The following KIF7 variants were observed in gnomAD, a reference collection of about 807,000 sequenced individuals.
KIF7 encodes the protein kinesin family member 7, also known as kinesin-like protein KIF7.
Under a neutral mutation model 135.7 loss-of-function variants are expected in KIF7, and 104 were observed. The observed-to-expected ratio is 0.77, with a 90% CI of 0.65 to 0.90. The LOEUF is 0.90. Among genes scored for constraint, KIF7 ranks in the 40% least tolerant of loss-of-function variants. The pLI is 0.00. For synonymous variants in KIF7, 883 were observed against 809.4 expected, an observed-to-expected ratio of 1.09 and a Z score of -1.54; for missense variants, 2,005 against 1,839.1, an observed-to-expected ratio of 1.09 and a Z score of -1.65.
intron 1 of KIF7, among the ~76,000 whole-genome samples, chr15:89,620,941 C>G (rs932303366): frequency 2.6e-5 from 4 of 151,344 alleles, no homozygotes; most frequent in Admixed American, 2.0e-4. Context: ...CCAGGATAGT[C>G]TCGATCTCCG....
intron 8 of KIF7, 132 bp from the exon 9 acceptor site, chr15:89,645,583 A>C (rs971833683): frequency 1.2e-6 from 1 of 806,886 alleles, no homozygotes; most frequent in African/African-American, 1.7e-5. Flanking sequence ...CCAGGATGTG[A>C]GTCTGGCAGA....
At position 89,632,910 on chromosome 15, in the gene KIF7, C is replaced by T. The variant is rs1216364737; in HGVS notation, c.2805G>A (p.Glu935=). Residue 935 remains glutamate (E), a synonymous_variant, in exon 14 of 19, where the codon GAG becomes GAA. Transcript: ENST00000394412. ...QRRALEELGE[E]LHKREAILAK... ...CCAGGATGGCCTCCCGCTTGTGGAG[C>T]TCCTCCCCCAGCTCCTCCAGCGCCC... 2 of 1,610,760 alleles carry T rather than the reference C, an allele frequency of 1.2e-6. No homozygotes were observed. Among genetic ancestry groups the T allele is most frequent in the East Asian group, 2.2e-5 (1 of 44,858 alleles).
intron 8 of KIF7, 65 bp from the exon 9 acceptor site, chr15:89,645,516 G>A (rs2078704620): frequency 3.0e-6 from 4 of 1,319,572 alleles, no homozygotes; most frequent in Non-Finnish European, 4.3e-6. Context: ...CCACCCCCAG[G>A]CCTGGAGGGA....
chr15:89,633,198 G>A lies in KIF7; in HGVS notation c.2661C>T (p.Phe887=). ...LKIKTEEIAA[F]QRKRRSGSNG... ...TGCTGCCACTGCGCCTCTTCCTCTG[G>A]AATGCCGCGATCTCTTCCGTCTTAA... Residue 887 remains phenylalanine, a synonymous_variant, in exon 13 of 19, where the codon TTC becomes TTT. Coordinates refer to ENST00000394412, the MANE Select transcript of KIF7 (RefSeq NM_198525.3). 6.2e-7 allele frequency: 1 copy of A among 1,604,072 alleles called. No homozygotes were observed. Among genetic ancestry groups the A allele is most frequent in the South Asian group, 1.1e-5 (1 of 90,086 alleles).
rs1963593578 is a variant in KIF7 at position 89,628,703 on chromosome 15, A to G, written c.3748T>C (p.Trp1250Arg). The change falls in exon 19 of 19, where the codon TGG becomes CGG. Residue 1250 changes from tryptophan to arginine, a missense_variant. Physicochemically the swap from Trp to Arg is moderately radical, Grantham distance 101. Coordinates refer to ENST00000394412, the MANE Select transcript of KIF7 (RefSeq NM_198525.3). ...GCCCCCTCAGTGAGGGGGGACAGCC[A>G]GAGAAGCTCGGGTGCCAGGTGGAGC... ...DELHLAPELL[W>R]LSPLTEGAPR... is the part of the protein sequence containing the mutation. 6.2e-7 allele frequency: 1 copy of G among 1,613,004 alleles called. No homozygotes were observed. Among genetic ancestry groups the G allele is most frequent in the Admixed American group, 1.7e-5 (1 of 60,006 alleles).
intron 13 of KIF7, 41 bp from the exon 14 acceptor site, chr15:89,633,037 A>G (rs1963719402): frequency 1.3e-6 from 2 of 1,595,012 alleles, no homozygotes; most frequent in African/African-American, 1.3e-5. Flanking sequence ...CTCAGGGCCC[A>G]CCTCTGGCTG....
At chr15:89,628,848 G>C in intron 18 of KIF7, 62 bp from the exon 19 acceptor site, 1 of 1,611,240 alleles carries the variant, frequency 6.2e-7, no homozygotes, top group Non-Finnish European at 8.5e-7. Context: ...CGAAGCCCTA[G>C]CTCCCCAGTG....
downstream of KIF7, chr15:89,624,911 G>A (rs751454435): frequency 3.7e-6 from 6 of 1,614,020 alleles, no homozygotes; most frequent in African/African-American, 5.3e-5. Flanking sequence ...GGGAGACAGT[G>A]CCAGGCTTCG....
downstream of KIF7, chr15:89,626,052 G>C: frequency 1.2e-6 from 2 of 1,613,872 alleles, no homozygotes; most frequent in Middle Eastern, 3.3e-4. Context: ...TCAGAGCAAA[G>C]ACCCCAGAGG....
At chr15:89,645,834 T>A in intron 8 of KIF7, 59 bp downstream of exon 8, 2 of 1,589,664 alleles carry the variant, frequency 1.3e-6, no homozygotes, top group Admixed American at 3.5e-5. Context: ...ATCCCCAGCC[T>A]GCCTAGCCCT....
Position 89,649,241 on chromosome 15 carries a change from G to A in KIF7, c.656C>T (p.Thr219Met). Residue 219 changes from threonine (T) to methionine (M), a missense_variant, in exon 4 of 19, where the codon ACG becomes ATG. By Grantham distance (81) the Thr-to-Met change is moderately conservative. Transcript: ENST00000394412. ...HLNHLSSRSH[T>M]VFTVTLEQRG... ...CTGCTCCAGGGTCACGGTGAAGACC[G>A]TGTGTGAGCGGCTAGACAGGTGGTT... is the stretch of plus-strand genomic sequence containing the variant. 6.5e-7 allele frequency: 1 copy of A among 1,540,928 alleles called. No homozygotes were observed. The highest frequency in any genetic ancestry group is 1.2e-5 in the South Asian group (1 of 83,640).
chr15:89,649,764 C>T lies in KIF7; in HGVS notation c.506G>A (p.Arg169Gln), dbSNP rs766793289. 36 of 1,551,782 alleles carry T rather than the reference C, an allele frequency of 2.3e-5. No homozygotes were observed. The highest frequency in any genetic ancestry group is 3.9e-5 in the Admixed American group (2 of 50,990). The change falls in exon 3 of 19, where the codon CGG (arginine) becomes CAG (glutamine). Residue 169 changes from arginine to glutamine, a missense_variant. Transcript: ENST00000394412. ...VGTASRDIQL[R>Q]EDERGNVVLC... The stretch of plus-strand genomic sequence containing the variant: ...ACCAACATTCCCGCGCTCATCTTCC[C>T]GGAGCTGGATGTCACGGCTGGCAGT...
chr15:89,619,124 A>G (rs1963381682), intron 1 of KIF7, among the ~76,000 whole-genome samples: 1 of 152,196 alleles, frequency 6.6e-6, no homozygotes. Flanking sequence ...CTAACATTTT[A>G]GCATATACTC....
At chr15:89,625,281 C>T, downstream of KIF7, 1 of 1,613,986 alleles carries the variant, frequency 6.2e-7, no homozygotes, top group Non-Finnish European at 8.5e-7. Context: ...CTAGTACCCC[C>T]TCTCCATTTC....
Position 89,628,293 on chromosome 15 carries a change from AG to A in KIF7, c.*125del. The A allele has an allele frequency of 8.0e-7, 1 of 1,242,454 alleles. No individual in the cohort carries two copies. The highest frequency in any genetic ancestry group is 2.4e-5 in the East Asian group (1 of 41,328). 77.0% of individuals were successfully genotyped at this position (1,242,454 alleles called of 1,614,324 possible). Reference sequence around the variant, plus strand: ...TGGCCCAAATTTGTTGATCCCAGTGAGGGTACAGATGAGGGCCTGGATTTAG... The same window carrying A: ...TGGCCCAAATTTGTTGATCCCAGTGAGGTACAGATGAGGGCCTGGATTTAG... On this transcript the variant is annotated 3_prime_UTR_variant, in exon 19 of 19. Transcript: ENST00000394412.
rs1315158747 is a variant in KIF7, at chr15:89,628,552, T to TC, written c.3898dup (p.Glu1300GlyfsTer12). The TC allele has an allele frequency of 6.2e-7, 1 of 1,613,164 alleles. No individual in the cohort carries two copies. The highest frequency in any genetic ancestry group is 2.2e-5 in the East Asian group (1 of 44,876). On this transcript the variant is annotated frameshift_variant, in exon 19 of 19. Coordinates refer to ENST00000394412, the MANE Select transcript of KIF7 (RefSeq NM_198525.3). LOFTEE classifies it high-confidence loss of function. ...AGGAAGCACCCGCCCCACCAGGGGC[T>TC]CAGCCGCCTCCCGCTGCCTCAGTTC...
Position 89,628,779 on chromosome 15 carries a change from C to T in KIF7, c.3672G>A (p.Glu1224=), listed in dbSNP as rs746868507. ...VNAVGHSRGG[E]KRSLCSEGRQ... ...TGCCCTCCGAGCACAGGCTCCTCTT[C>T]TCCCCACCTGTCATGGAGAGTAACG... is the stretch of plus-strand genomic sequence containing the variant. Residue 1224 remains glutamate, a synonymous_variant, in exon 19 of 19, where the codon GAG becomes GAA. Transcript: ENST00000394412. 1.6e-5 allele frequency: 26 copies of T among 1,612,014 alleles called. No homozygotes were observed. Among genetic ancestry groups the T allele is most frequent in the Non-Finnish European group, 2.2e-5 (26 of 1,180,014 alleles).
chr15:89,641,899 C>G (rs936234011), intron 11 of KIF7, among the ~76,000 whole-genome samples: 1 of 152,122 alleles, frequency 6.6e-6, no homozygotes, highest in Non-Finnish European at 1.5e-5. Context: ...GAATGGAGAG[C>G]TGAAAGGGGG....
rs754486000 is a variant in KIF7 at position 89,647,663 on chromosome 15, C to T, written c.1493G>A (p.Arg498Gln). Residue 498 changes from arginine to glutamine, a missense_variant, in exon 6 of 19, where the codon CGG becomes CAG. Physicochemically the swap from Arg to Gln is conservative, Grantham distance 43. Coordinates refer to ENST00000394412, the MANE Select transcript of KIF7 (RefSeq NM_198525.3). The stretch of plus-strand genomic sequence containing the variant: ...AAAGTCTCGGTTCTCCTCCTCCAGC[C>T]GCGCCACCTGGTTCTGCAGGGTCAG... Reference protein sequence around the residue: ...QLLTLQNQVARLEEENRDFLA... With the variant: ...QLLTLQNQVAQLEEENRDFLA... 6 of 1,610,010 alleles carry T rather than the reference C, an allele frequency of 3.7e-6. No homozygotes were observed. Among genetic ancestry groups the T allele is most frequent in the Non-Finnish European group, 5.1e-6 (6 of 1,179,476 alleles).
Sources: allele counts gnomAD v4.1 joint callset (sites outside exome capture counted in the v4.1 genomes callset), GRCh38; gene constraint gnomAD v4.1.1; transcripts MANE v1.5; gene names NCBI Gene and HGNC (gene_info 2026-07-23, HGNC 2026-07-21).